KDM3A: variants seen among roughly 807,000 people sequenced by gnomAD.
KDM3A encodes lysine demethylase 3A.
Under a neutral mutation model 158.0 loss-of-function variants are expected in KDM3A, and 60 were observed. That is an observed-to-expected ratio of 0.38 (90% CI 0.31 to 0.47). KDM3A has a LOEUF of 0.47. Ranked by LOEUF, KDM3A falls within the 20% of genes least tolerant of loss-of-function variation. The probability of loss-of-function intolerance (pLI) is 0.99; values close to 1 mark genes in which losing one functional copy is unlikely to be tolerated. For synonymous variants in KDM3A, 608 were observed against 549.3 expected (o/e 1.11, Z -1.49); for missense variants, 1,319 against 1,574.3 (o/e 0.84, Z 2.74).
intron 8 of KDM3A, among the ~76,000 whole-genome samples, chr2:86,463,231 G>A (rs1392206378): frequency 6.6e-5 from 10 of 152,170 alleles, no homozygotes; most frequent in Admixed American, 5.9e-4. Flanking sequence ...AAAGGTATAT[G>A]ACTTAAAAAT....
At chr2:86,482,368 G>A in intron 17 of KDM3A, 90 bp from the exon 18 acceptor site, 2 of 1,545,144 alleles carry the variant, frequency 1.3e-6, no homozygotes, top group Non-Finnish European at 1.7e-6. Context: ...GGAATCTTCT[G>A]GATATGTAAT....
chr2:86,452,605 T>C (rs1449775510), intron 4 of KDM3A, among the ~76,000 whole-genome samples: 3 of 152,182 alleles, frequency 2.0e-5, no homozygotes, highest in African/African-American at 7.2e-5. Context: ...CTTTTAGATA[T>C]CATTTATAAA....
intron 21 of KDM3A, chr2:86,488,631 T>C (rs1156899388): frequency 1.3e-5 from 2 of 152,284 alleles, no homozygotes; most frequent in Non-Finnish European, 2.9e-5. Flanking sequence ...GCTGGCAGGT[T>C]AGAAAACAGC....
intron 4 of KDM3A, among the ~76,000 whole-genome samples, chr2:86,452,575 C>T (rs546703524): frequency 5.9e-5 from 9 of 152,156 alleles, no homozygotes; most frequent in Non-Finnish European, 8.8e-5. Context: ...TACAAACACA[C>T]ACATTATAAT....
At chr2:86,458,547 T>C (rs1672798692) in intron 8 of KDM3A, among the ~76,000 whole-genome samples, 2 of 152,216 alleles carry the variant, frequency 1.3e-5, no homozygotes, top group South Asian at 4.1e-4. Flanking sequence ...TTGAAAGGTA[T>C]CTGGAGTTCC....
intron 11 of KDM3A, among the ~76,000 whole-genome samples, chr2:86,472,227 GT>G (rs906675339): frequency 6.6e-6 from 1 of 150,874 alleles, no homozygotes; most frequent in Non-Finnish European, 1.5e-5. Flanking sequence ...TGACTTAGCT[GT>G]TTTTTTCATT....
rs367637779 is a variant in KDM3A, at chr2:86,466,741, C to T, written c.1377C>T (p.Val459=). The T allele has an allele frequency of 4.7e-4, 755 of 1,613,800 alleles. No homozygotes were observed. The highest frequency in any genetic ancestry group is 5.9e-4 in the Non-Finnish European group (699 of 1,179,824). The change falls in exon 10 of 26, where the codon GTC becomes GTT. Residue 459 remains valine, a synonymous_variant. Transcript: ENST00000312912. ...ATGCACCAGAAGTGAAAGCAGGTGTCAATAGTGATAGCCCTAATAACTGTT... is the reference window on the plus strand; with the variant it reads ...ATGCACCAGAAGTGAAAGCAGGTGTTAATAGTGATAGCCCTAATAACTGTT... ...VSNAPEVKAG[V]NSDSPNNCSG...
chr2:86,441,987 C>T (rs1012982881), intron 1 of KDM3A, 31 bp from the exon 2 acceptor site: 26 of 1,585,486 alleles, frequency 1.6e-5, no homozygotes, highest in Admixed American at 3.3e-5. Flanking sequence ...ACCGGCCGCC[C>T]CCGTCGCATT....
chr2:86,469,422 C>G (rs1673302975), intron 10 of KDM3A, among the ~76,000 whole-genome samples: 1 of 152,188 alleles, frequency 6.6e-6, no homozygotes, highest in South Asian at 2.1e-4. Flanking sequence ...CTCCTTAAGG[C>G]TCTTGACATA....
intron 12 of KDM3A, among the ~76,000 whole-genome samples, chr2:86,476,858 T>A (rs1447231630): frequency 6.6e-6 from 1 of 152,228 alleles, no homozygotes; most frequent in South Asian, 2.1e-4. Context: ...GAAGAAGGAA[T>A]GAGTTAACCC....
intron 10 of KDM3A, 55 bp from the exon 11 acceptor site, chr2:86,470,149 G>A: frequency 7.1e-7 from 1 of 1,411,814 alleles, no homozygotes; most frequent in East Asian, 2.3e-5. Flanking sequence ...AGTCATATAT[G>A]AATGTGATTT....
At chr2:86,446,943 C>T (rs115244116) in intron 2 of KDM3A, among the ~76,000 whole-genome samples, 1 of 152,138 alleles carries the variant, frequency 6.6e-6, no homozygotes, top group African/African-American at 2.4e-5. Flanking sequence ...TCCTGAATAT[C>T]TAGGACCACA....
chr2:86,483,739 G>A, intron 18 of KDM3A: 1 of 315,332 alleles, frequency 3.2e-6, no homozygotes, highest in Non-Finnish European at 5.9e-6. Context: ...ATCTTACTAG[G>A]AGAGGTGATC....
chr2:86,459,776 A>G (rs1672853672), intron 8 of KDM3A, among the ~76,000 whole-genome samples: 1 of 152,050 alleles, frequency 6.6e-6, no homozygotes, highest in South Asian at 2.1e-4. Flanking sequence ...TTACTTTTTT[A>G]TCTTTCTCAG....
chr2:86,485,207 TGAA>T (rs1674121462), intron 20 of KDM3A, among the ~76,000 whole-genome samples, 178 bp downstream of exon 20: 1 of 152,246 alleles, frequency 6.6e-6, no homozygotes, highest in African/African-American at 2.4e-5. Context: ...TTAGATGAGA[TGAA>T]GAAGTGATTG....
chr2:86,444,064 G>T (rs751889726), intron 2 of KDM3A, among the ~76,000 whole-genome samples: 1 of 152,336 alleles, frequency 6.6e-6, no homozygotes, highest in Non-Finnish European at 1.5e-5. Context: ...TTGAGGACCT[G>T]TTGGGTTAGG....
chr2:86,492,415 C>T lies in KDM3A; in HGVS notation c.*296C>T, dbSNP rs1674502384. On this transcript the variant is annotated 3_prime_UTR_variant, in exon 26 of 26. Coordinates refer to ENST00000312912, the MANE Select transcript of KDM3A (RefSeq NM_018433.6). ...TGGAACAATACCTGCAGTTATTCTTCAGCTGTTTGGACAACTTAGATTGGG... is the reference window on the plus strand; with the variant it reads ...TGGAACAATACCTGCAGTTATTCTTTAGCTGTTTGGACAACTTAGATTGGG... 1 of 298,922 alleles carries T rather than the reference C, an allele frequency of 3.3e-6. No homozygotes were observed. The highest frequency in any genetic ancestry group is 6.3e-6 in the Non-Finnish European group (1 of 159,164). The allele number at this position is 298,922 out of a possible 1,614,324, so 18.5% of individuals were successfully genotyped here.
rs201986485 is a variant in KDM3A at position 86,489,422 on chromosome 2, T to C, written c.3418T>C (p.Cys1140Arg). The change falls in exon 22 of 26, where the codon TGT becomes CGT. Residue 1140 changes from cysteine to arginine, a missense_variant. Coordinates refer to ENST00000312912, the MANE Select transcript of KDM3A (RefSeq NM_018433.6). ...MVYVGIPKGQ[C>R]EQEEEVLKTI... Reference sequence around the variant, plus strand: ...CTATGTGGGAATTCCCAAAGGACAGTGTGAGCAAGAAGAAGGTAGGGTGCT... The same window carrying C: ...CTATGTGGGAATTCCCAAAGGACAGCGTGAGCAAGAAGAAGGTAGGGTGCT... 1.1e-5 allele frequency: 18 copies of C among 1,613,980 alleles called. No individual in the cohort carries two copies. The East Asian group carries it at 1.6e-4, about 14-fold the overall frequency.
intron 4 of KDM3A, 105 bp downstream of exon 4, chr2:86,451,318 G>A: frequency 1.5e-6 from 1 of 656,934 alleles, no homozygotes; most frequent in Non-Finnish European, 2.5e-6. Context: ...TATTATGGAT[G>A]CCTACTCCTT....
Sources: gnomAD v4.1 joint callset for allele counts (sites outside exome capture counted in the v4.1 genomes callset) on GRCh38, gnomAD v4.1.1 for gene constraint, MANE v1.5 for transcripts, NCBI Gene and HGNC (gene_info 2026-07-23, HGNC 2026-07-21) for gene names.